Variants in ZSCAN1 observed in about 807,000 individuals in gnomAD.
The protein encoded by ZSCAN1 is zinc finger and SCAN domain containing 1.
Under a neutral mutation model 23.8 loss-of-function variants are expected in ZSCAN1, and 23 were observed. That is an observed-to-expected ratio of 0.97 (90% CI 0.70 to 1.37). The LOEUF (loss-of-function observed/expected upper bound fraction) is 1.37. ZSCAN1 is among the 40% of genes most tolerant of loss of function. The pLI is 0.00. For synonymous variants in ZSCAN1, 236 were observed against 232.3 expected, an observed-to-expected ratio of 1.02 and a Z score of -0.15; for missense variants, 575 against 554.0, an observed-to-expected ratio of 1.04 and a Z score of -0.38.
At chr19:58,042,767 C>T (rs1011412713) in intron 4 of ZSCAN1, among the ~76,000 whole-genome samples, 8 of 152,194 alleles carry the variant, frequency 5.3e-5, no homozygotes, top group Admixed American at 1.3e-4. Flanking sequence ...CACAGGCCAT[C>T]CCCTCACCAC....
chr19:58,038,176 G>C lies in ZSCAN1; in HGVS notation c.340G>C (p.Glu114Gln), dbSNP rs769567477. 1.2e-4 allele frequency: 198 copies of C among 1,607,796 alleles called. No individual in the cohort carries two copies. In the Admixed American group the frequency reaches 2.1e-3, roughly 17 times the overall value. ...CTGCAGGGAGGCCGCCAGCCTGGTG[G>C]AGGACCTCACACAGATGTGCCAGCA... ...RSCREAASLV[E>Q]DLTQMCQQEV... Residue 114 changes from glutamate to glutamine, a missense_variant, in exon 3 of 6, where the codon GAG (glutamate) becomes CAG (glutamine). Glu to Gln is a conservative substitution (Grantham distance 29). Coordinates refer to ENST00000282326, the MANE Select transcript of ZSCAN1 (RefSeq NM_182572.4).
chr19:58,044,652 G>A (rs1376134488), intron 4 of ZSCAN1: 3 of 953,036 alleles, frequency 3.1e-6, no homozygotes, highest in African/African-American at 3.2e-5. Context: ...CCGCCGCCTC[G>A]GGTCACCGCC....
chr19:58,039,586 G>A (rs552512850), intron 3 of ZSCAN1, among the ~76,000 whole-genome samples: 1 of 152,124 alleles, frequency 6.6e-6, no homozygotes, highest in South Asian at 2.1e-4. Flanking sequence ...GGCCAACATG[G>A]TGAAACTCCG....
intron 4 of ZSCAN1, among the ~76,000 whole-genome samples, chr19:58,052,076 C>G (rs1195716753): frequency 6.6e-6 from 1 of 152,214 alleles, no homozygotes; most frequent in Non-Finnish European, 1.5e-5. Flanking sequence ...GTTAGGAGCC[C>G]CAGCTTGTAA....
At chr19:58,046,672 A>G (rs1291476048) in intron 4 of ZSCAN1, 5 of 879,660 alleles carry the variant, frequency 5.7e-6, no homozygotes, top group Admixed American at 1.7e-5. Context: ...TCACGTCTCC[A>G]CCAGTCAGGT....
rs746559873 is a variant in ZSCAN1, at chr19:58,037,938, C to G, written c.102C>G (p.Thr34=). ...ADPGPASPRD[T]EAQRLRFRQF... is the part of the protein sequence containing the mutation. The stretch of plus-strand genomic sequence containing the variant: ...CTGGGCCAGCAAGCCCCAGGGACAC[C>G]GAAGCCCAGCGTCTGCGCTTCCGGC... Residue 34 remains threonine (T), a synonymous_variant, in exon 3 of 6, where the codon ACC becomes ACG. Transcript: ENST00000282326. The G allele has an allele frequency of 6.2e-7, 1 of 1,602,978 alleles. No homozygotes were observed. Among genetic ancestry groups the G allele is most frequent in the African/African-American group, 1.3e-5 (1 of 74,920 alleles).
chr19:58,038,181 C>A lies in ZSCAN1; in HGVS notation c.345C>A (p.Asp115Glu). 1 of 1,607,326 alleles carries A rather than the reference C, an allele frequency of 6.2e-7. No homozygotes were observed. The highest frequency in any genetic ancestry group is 8.5e-7 in the Non-Finnish European group (1 of 1,178,304). ...SCREAASLVE[D>E]LTQMCQQEVL... ...GGGAGGCCGCCAGCCTGGTGGAGGA[C>A]CTCACACAGATGTGCCAGCAGGAAG... The change falls in exon 3 of 6, where the codon GAC becomes GAA. Residue 115 changes from aspartate (D) to glutamate (E), a missense_variant. Transcript: ENST00000282326.
downstream of ZSCAN1, among the ~76,000 whole-genome samples, chr19:58,055,447 C>A (rs947325369): frequency 6.6e-6 from 1 of 152,256 alleles, no homozygotes; most frequent in Admixed American, 6.5e-5. Context: ...GCAGTCCCCA[C>A]TGGGGGCTCC....
chr19:58,051,641 C>G (rs886438249), intron 4 of ZSCAN1, among the ~76,000 whole-genome samples: 6 of 152,184 alleles, frequency 3.9e-5, no homozygotes, highest in Non-Finnish European at 5.9e-5. Context: ...TGCTTGACTC[C>G]TGGTCTTTTC....
chr19:58,037,726 A>T lies in ZSCAN1; in HGVS notation c.-109-2A>T. The T allele has an allele frequency of 7.4e-7, 1 of 1,343,112 alleles. No homozygotes were observed. Among genetic ancestry groups the T allele is most frequent in the Non-Finnish European group, 9.8e-7 (1 of 1,018,714 alleles). The allele number at this position is 1,343,112 out of a possible 1,614,324, so 83.2% of individuals were successfully genotyped here. A position where few individuals can be genotyped will look rare whatever the true frequency, so the allele number is the denominator to read the frequency against. On this transcript the variant is annotated splice_acceptor_variant, in intron 2 of 5. Transcript: ENST00000282326. LOFTEE classifies it low-confidence loss of function (5UTR_SPLICE). ...CCCCTCTGTCCCTGCCCCTCTCTGC[A>T]GGCCCCTGATTGCTGATTCTGTCCG...
rs914397557 is a variant in ZSCAN1, at chr19:58,037,614, G to T, written c.-109-114G>T. ...AGGTCAGAAGGTGGGAAGAGGTCAG[G>T]TTGGTTCCTTGGGGTGCTGGAGGTC... On this transcript the variant is annotated intron_variant, in intron 2 of 5. Transcript: ENST00000282326. The T allele has an allele frequency of 1.2e-5, 6 of 492,210 alleles. No individual in the cohort carries two copies. The Admixed American group carries it at 1.5e-4, about 12-fold the overall frequency. The allele number at this position is 492,210 out of a possible 1,614,324, so 30.5% of individuals were successfully genotyped here.
At position 58,054,146 on chromosome 19, in the gene ZSCAN1, C is replaced by T. The variant is rs2073878043; in HGVS notation, c.*95C>T. The T allele has an allele frequency of 3.6e-6, 5 of 1,406,548 alleles. No homozygotes were observed. The highest frequency in any genetic ancestry group is 4.7e-6 in the Non-Finnish European group (5 of 1,075,070). 87.1% of individuals were successfully genotyped at this position (1,406,548 alleles called of 1,614,324 possible). A position where few individuals can be genotyped will look rare whatever the true frequency, so the allele number is the denominator to read the frequency against. The stretch of plus-strand genomic sequence containing the variant: ...GGGGACATCCCCCAGCCCCACCAAC[C>T]CCTGGCCACCTTGGGACTCCTCTTG... On this transcript the variant is annotated 3_prime_UTR_variant, in exon 6 of 6. Coordinates refer to ENST00000282326, the MANE Select transcript of ZSCAN1 (RefSeq NM_182572.4). The surrounding 1 kb of genome is among the most constrained non-coding windows in gnomAD (Gnocchi z 4.2).
rs998920473 is a variant in ZSCAN1 at position 58,046,164 on chromosome 19, C to T, written c.465+5620C>T. On this transcript the variant is annotated intron_variant, in intron 4 of 5. Transcript: ENST00000282326. Reference sequence around the variant, plus strand: ...AGGACACTGCCCCCGTGCTAGAGGGCTTGAAGGAGGAAGAGATGACTAAGG... The same window carrying T: ...AGGACACTGCCCCCGTGCTAGAGGGTTTGAAGGAGGAAGAGATGACTAAGG... The T allele has an allele frequency of 4.1e-6, 3 of 735,422 alleles. No individual in the cohort carries two copies. The African/African-American group carries it at 5.2e-5, about 13-fold the overall frequency. 45.6% of individuals were successfully genotyped at this position (735,422 alleles called of 1,614,324 possible). A position where few individuals can be genotyped will look rare whatever the true frequency, so the allele number is the denominator to read the frequency against.
At position 58,053,697 on chromosome 19, in the gene ZSCAN1, C is replaced by A. The variant is rs1417566391; in HGVS notation, c.873C>A (p.Pro291=). The change falls in exon 6 of 6, where the codon CCC becomes CCA. Residue 291 remains proline (P), a synonymous_variant. Coordinates refer to ENST00000282326, the MANE Select transcript of ZSCAN1 (RefSeq NM_182572.4). The surrounding 1 kb of genome is among the most constrained non-coding windows in gnomAD (Gnocchi z 5.8). ...VVPRGPRGGR[P]FQCADCGMVF... is the part of the protein sequence containing the mutation. ...CGCGTGGGCCCCGAGGTGGGCGGCC[C>A]TTCCAGTGTGCCGACTGTGGGATGG... 5 of 1,614,040 alleles carry A rather than the reference C, an allele frequency of 3.1e-6. No homozygotes were observed. In the Admixed American group the frequency reaches 8.3e-5, roughly 27 times the overall value.
rs2073714324 is a variant in ZSCAN1 at position 58,034,121 on chromosome 19, C to T, written c.-192C>T. 1 of 151,406 alleles carries T rather than the reference C, an allele frequency of 6.6e-6. No homozygotes were observed. The highest frequency in any genetic ancestry group is 2.4e-5 in the African/African-American group (1 of 41,334). The allele number at this position is 151,406 out of a possible 1,614,324, so 9.4% of individuals were successfully genotyped here. ...GGCGCGCTCGCCAGCCCAGGGGTCGCCATGACCGAGTGGCCCAGGCCCGAG... is the reference window on the plus strand; with the variant it reads ...GGCGCGCTCGCCAGCCCAGGGGTCGTCATGACCGAGTGGCCCAGGCCCGAG... On this transcript the variant is annotated 5_prime_UTR_variant, in exon 1 of 6. Transcript: ENST00000282326.
At position 58,037,971 on chromosome 19, in the gene ZSCAN1, G is replaced by A. The variant is rs2073751332; in HGVS notation, c.135G>A (p.Gln45=). 1 of 1,606,758 alleles carries A rather than the reference G, an allele frequency of 6.2e-7. No homozygotes were observed. Among genetic ancestry groups the A allele is most frequent in the Non-Finnish European group, 8.5e-7 (1 of 1,179,522 alleles). ...AGCGTCTGCGCTTCCGGCAGTTCCA[G>A]TACCACGTGGCGAGCGGGCCGCACC... ...EAQRLRFRQF[Q]YHVASGPHLA... is the part of the protein sequence containing the mutation. The change falls in exon 3 of 6, where the codon CAG becomes CAA. Residue 45 remains glutamine (Q), a synonymous_variant. Coordinates refer to ENST00000282326, the MANE Select transcript of ZSCAN1 (RefSeq NM_182572.4).
intron 2 of ZSCAN1, 103 bp from the exon 3 acceptor site, chr19:58,037,625 G>C (rs1439608545): frequency 9.4e-6 from 5 of 531,090 alleles, no homozygotes; most frequent in Non-Finnish European, 1.6e-5. Flanking sequence ...TTGGTTCCTT[G>C]GGGTGCTGGA....
At chr19:58,051,775 G>A (rs1431137131) in intron 4 of ZSCAN1, among the ~76,000 whole-genome samples, 1 of 152,178 alleles carries the variant, frequency 6.6e-6, no homozygotes, top group Non-Finnish European at 1.5e-5. Flanking sequence ...ACCAGGCTCT[G>A]GGCACGTAGC....
At chr19:58,043,118 G>C (rs1035501054) in intron 4 of ZSCAN1, among the ~76,000 whole-genome samples, 2 of 152,280 alleles carry the variant, frequency 1.3e-5, no homozygotes, top group African/African-American at 2.4e-5. Context: ...TAGCGGGAGC[G>C]TAGGTGAGGG....
Sources: allele counts gnomAD v4.1 joint callset (sites outside exome capture counted in the v4.1 genomes callset), GRCh38; gene constraint gnomAD v4.1.1; non-coding constraint Gnocchi (gnomAD v3.1); transcripts MANE v1.5; gene names NCBI Gene and HGNC (gene_info 2026-07-23, HGNC 2026-07-21).